TAF4B: variants seen among roughly 807,000 people sequenced by gnomAD.
TAF4B encodes the protein transcription initiation factor TFIID subunit 4B.
In TAF4B, 38 loss-of-function variants were observed where a neutral mutation model predicts 86.4. The ratio of observed to expected loss-of-function variants is 0.44; its 90% confidence interval spans 0.34 to 0.58. The LOEUF (loss-of-function observed/expected upper bound fraction) is 0.58, where lower values mean the gene tolerates loss of function less well. Ranked by LOEUF, TAF4B falls within the 20% of genes least tolerant of loss-of-function variation. The pLI is 0.02. For missense variants in TAF4B, 988 were observed against 1,027.6 expected, an observed-to-expected ratio of 0.96 and a Z score of 0.53; for synonymous variants, 388 against 391.2, an observed-to-expected ratio of 0.99 and a Z score of 0.10.
chr18:26,382,973 A>G (rs1311734375), intron 14 of TAF4B, among the ~76,000 whole-genome samples: 1 of 152,226 alleles, frequency 6.6e-6, no homozygotes, highest in Non-Finnish European at 1.5e-5. Context: ...AAAAGAACTT[A>G]GATGATGTGG....
chr18:26,336,537 G>A (rs190912002), intron 13 of TAF4B, among the ~76,000 whole-genome samples: 29 of 152,044 alleles, frequency 1.9e-4, no homozygotes, highest in Middle Eastern at 3.4e-3. Flanking sequence ...TGGAAAGGGA[G>A]AACACTTTAA....
chr18:26,323,807 G>A (rs72880201), intron 11 of TAF4B, among the ~76,000 whole-genome samples: 19,018 of 151,958 alleles, frequency 0.13, 1,492 homozygotes, highest in Non-Finnish European at 0.17. Context: ...CACTTTCAGC[G>A]TATTGGTATG....
intron 9 of TAF4B, among the ~76,000 whole-genome samples, chr18:26,303,822 G>C (rs1373643322): frequency 6.6e-6 from 1 of 152,130 alleles, no homozygotes; most frequent in Non-Finnish European, 1.5e-5. Context: ...TAGGCCCACT[G>C]TCTTCCAGCT....
chr18:26,322,339 A>G (rs750654966), intron 11 of TAF4B, among the ~76,000 whole-genome samples: 4 of 152,086 alleles, frequency 2.6e-5, no homozygotes, highest in Non-Finnish European at 5.9e-5. Context: ...CCTCACTTGC[A>G]TAAATCTTTG....
At chr18:26,250,382 A>G (rs992243968) in intron 1 of TAF4B, among the ~76,000 whole-genome samples, 3 of 151,776 alleles carry the variant, frequency 2.0e-5, no homozygotes, top group Admixed American at 6.6e-5. Flanking sequence ...CTGTAGTCCG[A>G]GCTACTCGAG....
intron 9 of TAF4B, among the ~76,000 whole-genome samples, chr18:26,294,475 T>C (rs1167715266): frequency 6.6e-6 from 1 of 151,324 alleles, no homozygotes; most frequent in Non-Finnish European, 1.5e-5. Flanking sequence ...TTGCATTGGT[T>C]TCTTACGATC....
chr18:26,297,124 A>C (rs2056673414), intron 9 of TAF4B, among the ~76,000 whole-genome samples: 1 of 146,348 alleles, frequency 6.8e-6, no homozygotes, highest in Non-Finnish European at 1.5e-5. Context: ...ACAGAGTGAG[A>C]CTGTCTCATT....
chr18:26,262,543 C>T (rs948975581), intron 1 of TAF4B, among the ~76,000 whole-genome samples: 5 of 151,110 alleles, frequency 3.3e-5, no homozygotes, highest in Admixed American at 6.6e-5. Context: ...GACGCGATCT[C>T]GGCTTACTGT....
intron 11 of TAF4B, 123 bp from the exon 12 acceptor site, chr18:26,326,892 T>C (rs2057008997): frequency 3.6e-6 from 4 of 1,126,284 alleles, no homozygotes; most frequent in Admixed American, 5.2e-5. Context: ...AATCATTACC[T>C]TCTGAAAGTT....
At chr18:26,309,140 A>G (rs993031802) in intron 9 of TAF4B, among the ~76,000 whole-genome samples, 4 of 151,558 alleles carry the variant, frequency 2.6e-5, no homozygotes, top group African/African-American at 7.3e-5. Context: ...TCTGATGTTC[A>G]TTATAAATTT....
chr18:26,267,837 T>A (rs2056262119), intron 3 of TAF4B, among the ~76,000 whole-genome samples: 1 of 152,186 alleles, frequency 6.6e-6, no homozygotes, highest in African/African-American at 2.4e-5. Flanking sequence ...TACTTCAGTG[T>A]ATTAAGTTAA....
chr18:26,360,676 C>T (rs1391736887), intron 14 of TAF4B, among the ~76,000 whole-genome samples: 3 of 152,184 alleles, frequency 2.0e-5, no homozygotes, highest in Admixed American at 1.3e-4. Context: ...CTCTCTCATT[C>T]TCCCTTAGGC....
At chr18:26,325,754 T>C (rs2056998460) in intron 11 of TAF4B, among the ~76,000 whole-genome samples, 2 of 152,228 alleles carry the variant, frequency 1.3e-5, no homozygotes, top group South Asian at 2.1e-4. Context: ...TTAATCTCTA[T>C]GGTTAGCCTA....
Position 26,226,631 on chromosome 18 carries a change from C to G in TAF4B, c.-303C>G, listed in dbSNP as rs566503244. ...GTCCAGGCTCCCCCGCAGCGGGACC[C>G]GAGCCTGAGGCGCAGGGCTGAGGCA... is the stretch of plus-strand genomic sequence containing the variant. On this transcript the variant is annotated 5_prime_UTR_variant, in exon 1 of 15. Coordinates refer to ENST00000269142, the MANE Select transcript of TAF4B (RefSeq NM_005640.3). The G allele has an allele frequency of 1.1e-5, 3 of 278,390 alleles. No homozygotes were observed. Among genetic ancestry groups the G allele is most frequent in the East Asian group, 6.0e-5 (1 of 16,742 alleles). 17.2% of individuals were successfully genotyped at this position (278,390 alleles called of 1,614,324 possible). A position where few individuals can be genotyped will look rare whatever the true frequency, so the allele number is the denominator to read the frequency against.
At chr18:26,259,736 G>A (rs1469326974) in intron 1 of TAF4B, among the ~76,000 whole-genome samples, 1 of 152,182 alleles carries the variant, frequency 6.6e-6, no homozygotes, top group Non-Finnish European at 1.5e-5. Context: ...TAGTGCCGCA[G>A]TAAACACACA....
rs1209338492 is a variant in TAF4B, at chr18:26,274,665, T to A, written c.600T>A (p.Ser200=). Residue 200 remains serine (S), a splice_region_variant and synonymous_variant, in exon 4 of 15, where the codon TCT becomes TCA. Coordinates refer to ENST00000269142, the MANE Select transcript of TAF4B (RefSeq NM_005640.3). The part of the protein sequence containing the change: ...TTVPKPSSVQ[S]VAVPTSVVTV... ...ATATTTAATACCTTTAATTTCAGTC[T>A]GTGGCTGTGCCAACCAGTGTCGTCA... The A allele has an allele frequency of 1.2e-6, 2 of 1,614,180 alleles. No homozygotes were observed. Among genetic ancestry groups the A allele is most frequent in the East Asian group, 4.5e-5 (2 of 44,878 alleles).
At chr18:26,362,021 A>G (rs574562090) in intron 14 of TAF4B, among the ~76,000 whole-genome samples, 1 of 152,306 alleles carries the variant, frequency 6.6e-6, no homozygotes, top group African/African-American at 2.4e-5. Context: ...AATGTGTTAT[A>G]GGCATGTCTA....
chr18:26,346,885 A>ATATATGTGTGTG (rs1567914227), intron 13 of TAF4B, among the ~76,000 whole-genome samples: 149 of 12,514 alleles, frequency 0.012, 13 homozygotes, highest in East Asian at 0.036. Context: ...GTGTATATAT[A>ATATATGTGTGTG]TATATATATA....
chr18:26,275,321 A>G (rs934375385), intron 5 of TAF4B, among the ~76,000 whole-genome samples: 1 of 151,914 alleles, frequency 6.6e-6, no homozygotes, highest in Non-Finnish European at 1.5e-5. Flanking sequence ...ACGCTCGGCT[A>G]ATTTTTGTAT....
Sources: allele counts gnomAD v4.1 joint callset (sites outside exome capture counted in the v4.1 genomes callset), GRCh38; gene constraint gnomAD v4.1.1; transcripts MANE v1.5; gene names NCBI Gene and HGNC (gene_info 2026-07-23, HGNC 2026-07-21).